JAKMIP2: variants seen among roughly 807,000 people sequenced by gnomAD.
JAKMIP2 encodes the protein janus kinase and microtubule interacting protein 2.
JAKMIP2 carries 25 observed loss-of-function variants against 115.0 expected under a neutral mutation model. That is an observed-to-expected ratio of 0.22 (90% CI 0.16 to 0.30). The LOEUF (loss-of-function observed/expected upper bound fraction) is 0.30, where lower values mean the gene tolerates loss of function less well. Ranked by LOEUF, JAKMIP2 falls within the 10% of genes least tolerant of loss-of-function variation. The pLI, the probability that JAKMIP2 is intolerant of heterozygous loss-of-function variation, is 1.00. For missense variants in JAKMIP2, 642 were observed against 957.6 expected (o/e 0.67, Z 4.35); for synonymous variants, 334 against 343.6 (o/e 0.97, Z 0.31).
At chr5:147,760,838 A>G (rs1333225321) in intron 1 of JAKMIP2, among the ~76,000 whole-genome samples, 2 of 152,100 alleles carry the variant, frequency 1.3e-5, no homozygotes, top group African/African-American at 2.4e-5. Flanking sequence ...ATTCTGGAGA[A>G]TGAGCAAATA....
intron 3 of JAKMIP2, among the ~76,000 whole-genome samples, chr5:147,651,805 T>C (rs967421163): frequency 1.2e-4 from 18 of 152,186 alleles, no homozygotes; most frequent in Admixed American, 7.9e-4. Flanking sequence ...AATTCAATAT[T>C]GTCCCGTTAA....
intron 16 of JAKMIP2, among the ~76,000 whole-genome samples, chr5:147,623,904 T>C (rs1387013592): frequency 6.6e-6 from 1 of 152,168 alleles, no homozygotes; most frequent in Non-Finnish European, 1.5e-5. Flanking sequence ...TGACGTTATC[T>C]CGGCTCCTGC....
intron 13 of JAKMIP2, 115 bp downstream of exon 13, chr5:147,632,564 AG>A: frequency 2.9e-6 from 2 of 696,426 alleles, no homozygotes; most frequent in Non-Finnish European, 4.9e-6. Flanking sequence ...GGTGATTGTG[AG>A]GTCCAAATGA....
At chr5:147,733,233 G>A (rs2126974473) in intron 1 of JAKMIP2, among the ~76,000 whole-genome samples, 1 of 152,298 alleles carries the variant, frequency 6.6e-6, no homozygotes, top group Middle Eastern at 3.4e-3. Flanking sequence ...CTTTAGATGT[G>A]AGAGCAACTC....
At chr5:147,670,435 G>A (rs147301497) in intron 2 of JAKMIP2, among the ~76,000 whole-genome samples, 9 of 152,164 alleles carry the variant, frequency 5.9e-5, no homozygotes, top group African/African-American at 1.7e-4. Flanking sequence ...TTTGCAAGGA[G>A]CGAAAACATC....
intron 2 of JAKMIP2, among the ~76,000 whole-genome samples, chr5:147,665,733 G>A (rs1175435601): frequency 2.6e-5 from 4 of 152,070 alleles, no homozygotes; most frequent in South Asian, 4.1e-4. Flanking sequence ...GATTGTGTAC[G>A]GAAAAGTACC....
At chr5:147,725,043 C>T (rs1228793210) in intron 1 of JAKMIP2, among the ~76,000 whole-genome samples, 1 of 152,084 alleles carries the variant, frequency 6.6e-6, no homozygotes, top group African/African-American at 2.4e-5. Flanking sequence ...GAAGCTGGCC[C>T]AAACCCACCA....
At chr5:147,691,344 T>TC (rs1751842621) in intron 1 of JAKMIP2, among the ~76,000 whole-genome samples, 1 of 152,116 alleles carries the variant, frequency 6.6e-6, no homozygotes, top group Non-Finnish European at 1.5e-5. Context: ...ATTAATAGTT[T>TC]CCCCCCATCC....
intron 20 of JAKMIP2, among the ~76,000 whole-genome samples, chr5:147,610,571 G>C (rs1756263897): frequency 6.6e-6 from 1 of 152,154 alleles, no homozygotes. Context: ...TCCCTGAAGG[G>C]CACACGTCAG....
intron 2 of JAKMIP2, among the ~76,000 whole-genome samples, chr5:147,662,224 T>C (rs1016818718): frequency 6.6e-5 from 10 of 151,366 alleles, no homozygotes; most frequent in African/African-American, 2.2e-4. Flanking sequence ...CTGCAGATCA[T>C]TGGGTCCTCT....
chr5:147,744,844 G>A (rs969713542), intron 1 of JAKMIP2, among the ~76,000 whole-genome samples: 1 of 151,984 alleles, frequency 6.6e-6, no homozygotes, highest in Non-Finnish European at 1.5e-5. Flanking sequence ...CAGATCATGA[G>A]GTCAAGAGAT....
chr5:147,695,677 T>TGTGTGA (rs532821164), intron 1 of JAKMIP2, among the ~76,000 whole-genome samples: 187 of 147,112 alleles, frequency 1.3e-3, no homozygotes, highest in African/African-American at 3.9e-3. Flanking sequence ...TGTGTGTGTG[T>TGTGTGA]GAGAGAGAGA....
intron 12 of JAKMIP2, among the ~76,000 whole-genome samples, chr5:147,634,640 T>C (rs560639361): frequency 6.6e-6 from 1 of 152,332 alleles, no homozygotes; most frequent in East Asian, 1.9e-4. Flanking sequence ...AGTTTCTTTA[T>C]AGGGTCGCTT....
At chr5:147,710,132 C>A (rs955531934) in intron 1 of JAKMIP2, among the ~76,000 whole-genome samples, 2 of 152,088 alleles carry the variant, frequency 1.3e-5, no homozygotes, top group Admixed American at 6.6e-5. Flanking sequence ...ACTATGAGTT[C>A]TTTTATTAAT....
At chr5:147,721,783 G>C (rs915400468) in intron 1 of JAKMIP2, among the ~76,000 whole-genome samples, 2 of 152,158 alleles carry the variant, frequency 1.3e-5, no homozygotes, top group African/African-American at 2.4e-5. Context: ...CGGTACCTCA[G>C]ATGGAAATGC....
chr5:147,592,624 T>G (rs1755153437), intron 21 of JAKMIP2, among the ~76,000 whole-genome samples: 2 of 152,154 alleles, frequency 1.3e-5, no homozygotes, highest in Non-Finnish European at 2.9e-5. Flanking sequence ...CTGAACAACA[T>G]GGATAGAGAA....
intron 1 of JAKMIP2, among the ~76,000 whole-genome samples, chr5:147,702,592 GAAAGAAAGAAGGAAAGAAA>G (rs1752388042): frequency 8.6e-6 from 1 of 116,956 alleles, no homozygotes. Context: ...AAGAAAGAAA[GAAAGAAAGAAGGAAAGAAA>G]GAAAGAAAGA....
intron 1 of JAKMIP2, among the ~76,000 whole-genome samples, chr5:147,681,923 G>A (rs181355672): frequency 6.6e-6 from 1 of 152,020 alleles, no homozygotes; most frequent in East Asian, 1.9e-4. Flanking sequence ...AATGCCTGTA[G>A]TCCCAGCTAC....
In JAKMIP2 at chr5:147,773,586, C is replaced by A. The variant is rs781396660; in HGVS notation, c.-149+8870G>T. 3.9e-5 allele frequency among the ~76,000 whole-genome samples: 6 copies of A among 151,982 alleles called. No homozygotes were observed. The South Asian group carries it at 1.0e-3, about 26-fold the overall frequency. On this transcript the variant is annotated intron_variant, in intron 1 of 21. Coordinates refer to ENST00000616793, the MANE Select transcript of JAKMIP2 (RefSeq NM_001270941.2). ...TGTAGGCTTGATTTCAATAACCGTA[C>A]GTAGGATGAAAGGAGAAAAACATAA... is the stretch of plus-strand genomic sequence containing the variant.
Sources: gnomAD v4.1 joint callset for allele counts (sites outside exome capture counted in the v4.1 genomes callset) on GRCh38, gnomAD v4.1.1 for gene constraint, MANE v1.5 for transcripts, NCBI Gene and HGNC (gene_info 2026-07-23, HGNC 2026-07-21) for gene names.